The following ABCC4 variants were observed in gnomAD, a reference collection of about 807,000 sequenced individuals.
ABCC4 encodes the protein ATP binding cassette subfamily C member 4 (PEL blood group), also known as ATP-binding cassette sub-family C member 4.
Under a neutral mutation model 168.5 loss-of-function variants are expected in ABCC4, and 102 were observed. That is an observed-to-expected ratio of 0.61 (90% CI 0.52 to 0.71). ABCC4 has a LOEUF of 0.71. Among genes scored for constraint, ABCC4 ranks in the 30% least tolerant of loss-of-function variants. The probability of loss-of-function intolerance (pLI) is 0.00; values close to 1 mark genes in which losing one functional copy is unlikely to be tolerated. For synonymous variants in ABCC4, 617 were observed against 590.7 expected (o/e 1.04, Z -0.65); for missense variants, 1,402 against 1,605.8 (o/e 0.87, Z 2.17).
intron 19 of ABCC4, among the ~76,000 whole-genome samples, chr13:95,156,519 G>T (rs2036859633): frequency 6.6e-6 from 1 of 152,110 alleles, no homozygotes; most frequent in African/African-American, 2.4e-5. Context: ...CCTAGGATTT[G>T]TGTTACCCAT....
intron 16 of ABCC4, 119 bp downstream of exon 16, chr13:95,164,259 C>A: frequency 7.6e-7 from 1 of 1,312,462 alleles, no homozygotes; most frequent in Non-Finnish European, 1.1e-6. Context: ...CACTTTGTTC[C>A]CCAAAGACAG....
At chr13:95,222,156 C>A (rs1327552501) in intron 4 of ABCC4, among the ~76,000 whole-genome samples, 1 of 152,228 alleles carries the variant, frequency 6.6e-6, no homozygotes, top group African/African-American at 2.4e-5. Flanking sequence ...GCATGTCCTA[C>A]AGCTCACACA....
At chr13:95,073,795 C>G (rs1192138361) in intron 23 of ABCC4, among the ~76,000 whole-genome samples, 2 of 152,134 alleles carry the variant, frequency 1.3e-5, no homozygotes, top group Non-Finnish European at 2.9e-5. Flanking sequence ...TTGTCTGGTA[C>G]CCATGTGGCA....
At chr13:95,158,644 C>A in intron 19 of ABCC4, among the ~76,000 whole-genome samples, 1 of 152,216 alleles carries the variant, frequency 6.6e-6, no homozygotes, top group East Asian at 1.9e-4. Context: ...TTCTACCCCA[C>A]TCAAAGAACA....
At chr13:95,126,633 C>A (rs1470094147) in intron 19 of ABCC4, among the ~76,000 whole-genome samples, 2 of 148,378 alleles carry the variant, frequency 1.3e-5, no homozygotes, top group Non-Finnish European at 3.0e-5. Context: ...CCCGGCGCAT[C>A]ATTTTAATAT....
chr13:95,065,796 A>C (rs1009355337), intron 25 of ABCC4, among the ~76,000 whole-genome samples: 5 of 152,212 alleles, frequency 3.3e-5, no homozygotes, highest in African/African-American at 1.2e-4. Context: ...TATCCCTGCA[A>C]ATTCACTAAC....
At chr13:95,076,227 G>A (rs1258400864) in intron 21 of ABCC4, among the ~76,000 whole-genome samples, 1 of 152,184 alleles carries the variant, frequency 6.6e-6, no homozygotes, top group Admixed American at 6.5e-5. Context: ...CAGCCAAGAT[G>A]TCTCTGAATG....
chr13:95,276,289 C>G (rs1335555976), intron 1 of ABCC4, among the ~76,000 whole-genome samples: 2 of 151,850 alleles, frequency 1.3e-5, no homozygotes, highest in African/African-American at 4.8e-5. Flanking sequence ...GTGGAACACG[C>G]CTGTGGTCCC....
At chr13:95,286,847 C>T (rs1017432854) in intron 1 of ABCC4, among the ~76,000 whole-genome samples, 1 of 151,080 alleles carries the variant, frequency 6.6e-6, no homozygotes, top group African/African-American at 2.4e-5. Flanking sequence ...ATCCCAGTTA[C>T]TCAGGAGGCT....
At chr13:95,297,879 G>A (rs754233616) in intron 1 of ABCC4, among the ~76,000 whole-genome samples, 5 of 152,130 alleles carry the variant, frequency 3.3e-5, no homozygotes, top group East Asian at 1.9e-4. Flanking sequence ...TGGGAACTAC[G>A]AGGTGACTGC....
intron 1 of ABCC4, among the ~76,000 whole-genome samples, chr13:95,274,194 T>C (rs897879998): frequency 6.6e-6 from 1 of 152,202 alleles, no homozygotes; most frequent in African/African-American, 2.4e-5. Flanking sequence ...GCCAGGCCAG[T>C]AGATTTCTCA....
At chr13:95,120,030 T>C (rs1170513084) in intron 19 of ABCC4, among the ~76,000 whole-genome samples, 2 of 151,592 alleles carry the variant, frequency 1.3e-5, no homozygotes, top group Non-Finnish European at 2.9e-5. Context: ...CAATATGTGA[T>C]CTCTTGTGTC....
intron 4 of ABCC4, among the ~76,000 whole-genome samples, chr13:95,212,716 G>C (rs1167609396): frequency 1.3e-5 from 2 of 151,156 alleles, no homozygotes; most frequent in Non-Finnish European, 2.9e-5. Flanking sequence ...TGTAATAGAA[G>C]TTAACCCAAG....
Position 95,043,665 on chromosome 13 carries a change from G to A in ABCC4, c.3735+17C>T, listed in dbSNP as rs910826930. On this transcript the variant is annotated intron_variant, in intron 29 of 30. Coordinates refer to ENST00000645237, the MANE Select transcript of ABCC4 (RefSeq NM_005845.5). Reference sequence around the variant, plus strand: ...CATAATTGGGAGCAACAGGAATTCCGCAGGTGAAGGACTCACCATTATCTT... The same window carrying A: ...CATAATTGGGAGCAACAGGAATTCCACAGGTGAAGGACTCACCATTATCTT... 1.1e-5 allele frequency: 18 copies of A among 1,574,478 alleles called. No individual in the cohort carries two copies. The highest frequency in any genetic ancestry group is 2.7e-5 in the African/African-American group (2 of 74,056).
intron 4 of ABCC4, among the ~76,000 whole-genome samples, chr13:95,212,485 C>T (rs908193339): frequency 3.7e-4 from 57 of 152,290 alleles, no homozygotes; most frequent in African/African-American, 1.3e-3. Context: ...TAAGCCTAAG[C>T]TGACCCTTTT....
At position 95,047,494 on chromosome 13, in the gene ABCC4, T is replaced by TTA. The variant is rs1292438661; in HGVS notation, c.3457-3057_3457-3056insTA. On this transcript the variant is annotated intron_variant, in intron 27 of 30. Coordinates refer to ENST00000645237, the MANE Select transcript of ABCC4 (RefSeq NM_005845.5). ...GCCTATTCTTTTTTTTTTTTTTTTT[T>TTA]TTTGAGGTGGATTCTTGCTCTGTCA... 3.4e-5 allele frequency among the ~76,000 whole-genome samples: 5 copies of TTA among 146,886 alleles called. 1 individual carries two copies. Among genetic ancestry groups the TTA allele is most frequent in the Admixed American group, 2.0e-4 (3 of 14,720 alleles).
At chr13:95,208,320 C>G (rs7331142) in intron 6 of ABCC4, among the ~76,000 whole-genome samples, 1 of 143,102 alleles carries the variant, frequency 7.0e-6, no homozygotes, top group African/African-American at 2.6e-5. Flanking sequence ...TTAACTCCAC[C>G]GGGAAAGAGG....
chr13:95,134,733 T>G (rs1736814278), intron 19 of ABCC4, among the ~76,000 whole-genome samples: 1 of 151,594 alleles, frequency 6.6e-6, no homozygotes, highest in African/African-American at 2.4e-5. Context: ...AAAATTTAAA[T>G]AAATAAATAA....
chr13:95,154,451 CAT>C (rs942446448), intron 19 of ABCC4, among the ~76,000 whole-genome samples: 14 of 152,152 alleles, frequency 9.2e-5, no homozygotes, highest in African/African-American at 3.1e-4. Context: ...GAAGAAAAAT[CAT>C]AGTTTCTTTT....
Sources: gnomAD v4.1 joint callset for allele counts (sites outside exome capture counted in the v4.1 genomes callset) on GRCh38, gnomAD v4.1.1 for gene constraint, MANE v1.5 for transcripts, NCBI Gene and HGNC (gene_info 2026-07-23, HGNC 2026-07-21) for gene names.